FBXO17: variants seen among roughly 807,000 people sequenced by gnomAD.
The protein encoded by FBXO17 is F-box protein 17, also known as F-box only protein 17.
In FBXO17, 43 loss-of-function variants were observed where a neutral mutation model predicts 34.1. That is an observed-to-expected ratio of 1.26 (90% CI 0.99 to 1.62). FBXO17 has a LOEUF of 1.62. FBXO17 is among the 40% of genes most tolerant of loss of function. FBXO17 has a pLI of 0.00. For synonymous variants in FBXO17, 169 were observed against 166.0 expected (o/e 1.02, Z -0.14); for missense variants, 424 against 386.7 (o/e 1.10, Z -0.81).
chr19:38,964,368 C>T (rs1017475843), intron 1 of FBXO17, among the ~76,000 whole-genome samples: 2 of 151,628 alleles, frequency 1.3e-5, no homozygotes, highest in Non-Finnish European at 2.9e-5. Flanking sequence ...CGGAGTCTCA[C>T]CCTGTCACCC....
At chr19:38,952,510 C>A in intron 1 of FBXO17, 1 of 533,474 alleles carries the variant, frequency 1.9e-6, no homozygotes, top group South Asian at 1.4e-5. Context: ...CTCCTGGGAG[C>A]TACTTCCTGA....
chr19:38,943,421 G>A (rs1390391395), intron 5 of FBXO17, among the ~76,000 whole-genome samples: 4 of 149,810 alleles, frequency 2.7e-5, no homozygotes, highest in Admixed American at 6.7e-5. Context: ...TTACAGGCGC[G>A]CACCACCATG....
chr19:38,949,354 C>G (rs772715742), intron 2 of FBXO17, among the ~76,000 whole-genome samples: 1 of 152,120 alleles, frequency 6.6e-6, no homozygotes, highest in Non-Finnish European at 1.5e-5. Flanking sequence ...CCCCCTCGGG[C>G]CTCCCAAAGT....
At chr19:38,953,697 G>C (rs1478530724) in intron 1 of FBXO17, among the ~76,000 whole-genome samples, 1 of 151,942 alleles carries the variant, frequency 6.6e-6, no homozygotes, top group Non-Finnish European at 1.5e-5. Context: ...AAAGAGAGAG[G>C]GTTTGTTTTG....
At chr19:38,966,288 A>G (rs1393757583) in intron 1 of FBXO17, among the ~76,000 whole-genome samples, 2 of 55,408 alleles carry the variant, frequency 3.6e-5, no homozygotes, top group Non-Finnish European at 6.9e-5. Context: ...CTTAAATTAA[A>G]AATTTTGTGT....
chr19:38,953,639 C>G (rs758376516), intron 1 of FBXO17, among the ~76,000 whole-genome samples: 1 of 151,990 alleles, frequency 6.6e-6, no homozygotes, highest in Admixed American at 6.6e-5. Flanking sequence ...CCAGCCTGGG[C>G]GGCAAAGTGA....
intron 1 of FBXO17, among the ~76,000 whole-genome samples, chr19:38,974,866 G>A (rs1052474572): frequency 8.5e-5 from 13 of 152,150 alleles, no homozygotes; most frequent in African/African-American, 2.9e-4. Flanking sequence ...TGTTTTCCAT[G>A]CAAAGCTCTG....
Position 38,952,497 on chromosome 19 carries a change from G to A in FBXO17, c.-17-2161C>T, listed in dbSNP as rs1045391299. ...GGGCCTTCCAAGTGGGGAGGTCTCC[G>A]TGCTCCTGGGAGCTACTTCCTGACC... On this transcript the variant is annotated intron_variant, in intron 1 of 5. Coordinates refer to ENST00000292852, the MANE Select transcript of FBXO17 (RefSeq NM_024907.7). 27 of 531,652 alleles carry A rather than the reference G, an allele frequency of 5.1e-5. 1 individual carries two copies. Among genetic ancestry groups the A allele is most frequent in the Admixed American group, 2.9e-4 (15 of 51,298 alleles). The allele number at this position is 531,652 out of a possible 1,614,324, so 32.9% of individuals were successfully genotyped here. A position where few individuals can be genotyped will look rare whatever the true frequency, so the allele number is the denominator to read the frequency against.
At chr19:38,951,646 GCTTT>G (rs1195518454) in intron 1 of FBXO17, among the ~76,000 whole-genome samples, 1 of 148,282 alleles carries the variant, frequency 6.7e-6, no homozygotes, top group Non-Finnish European at 1.5e-5. Context: ...CTTGAGTTTG[GCTTT>G]CTATTTTTTT....
chr19:38,971,634 A>G (rs1975392286), intron 1 of FBXO17, among the ~76,000 whole-genome samples: 1 of 152,026 alleles, frequency 6.6e-6, no homozygotes, highest in South Asian at 2.1e-4. Context: ...ACAAAATTTA[A>G]CAATTAGCCA....
intron 3 of FBXO17, 26 bp downstream of exon 3, chr19:38,948,520 TGGGGCCTTTGCCCCAGGGATC>T (rs1260938785): frequency 2.0e-6 from 3 of 1,504,872 alleles, no homozygotes; most frequent in Non-Finnish European, 2.7e-6. Context: ...TCCCTTTCTT[TGGGGCCTTTGCCCCAGGGATC>T]GGGGCCTCTC....
chr19:38,953,816 G>A (rs867810996), intron 1 of FBXO17, among the ~76,000 whole-genome samples: 5 of 152,130 alleles, frequency 3.3e-5, no homozygotes, highest in Non-Finnish European at 7.3e-5. Context: ...GGAAGTGGGC[G>A]GGAAGGTGGG....
At chr19:38,948,395 C>G (rs12460412) in intron 3 of FBXO17, among the ~76,000 whole-genome samples, 172 bp downstream of exon 3, 45,150 of 152,062 alleles carry the variant, frequency 0.3, 7,070 homozygotes, top group Admixed American at 0.43. Flanking sequence ...GTATCCCTGG[C>G]ATATGAAACA....
chr19:38,946,763 A>C, intron 3 of FBXO17, 196 bp from the exon 4 acceptor site: 1 of 748,092 alleles, frequency 1.3e-6, no homozygotes, highest in Non-Finnish European at 2.1e-6. Context: ...GCCATTCTCC[A>C]CCCTGCTGCG....
chr19:38,962,874 C>T (rs1386339162), intron 1 of FBXO17, among the ~76,000 whole-genome samples: 2 of 151,904 alleles, frequency 1.3e-5, no homozygotes, highest in Admixed American at 6.6e-5. Flanking sequence ...CACGCCACCA[C>T]GCCCAGCTAC....
chr19:38,962,655 T>C (rs1335372243), intron 1 of FBXO17, among the ~76,000 whole-genome samples: 31 of 152,164 alleles, frequency 2.0e-4, no homozygotes, highest in Admixed American at 1.9e-3. Flanking sequence ...TCTCGGGCTA[T>C]CTTAGACTTA....
At chr19:38,947,089 C>A (rs937541314) in intron 3 of FBXO17, 1 of 157,072 alleles carries the variant, frequency 6.4e-6, no homozygotes, top group Non-Finnish European at 1.4e-5. Flanking sequence ...GCACTCTCTC[C>A]TCATTTTCCA....
chr19:38,948,583 A>G lies in FBXO17; in HGVS notation c.445T>C (p.Phe149Leu). Residue 149 changes from phenylalanine (F) to leucine (L), a missense_variant, in exon 3 of 6, where the codon TTC becomes CTC. By Grantham distance (22) the Phe-to-Leu change is conservative. Transcript: ENST00000292852. ...GCCACTCACTCGAAAGAGGTCACGA[A>G]GCAGGTCTGCGAAGGAGCCCCAGGC... ...PVPGAPSQTC[F>L]VTSFEWCSKR... The G allele has an allele frequency of 1.9e-6, 3 of 1,614,052 alleles. No homozygotes were observed. The highest frequency in any genetic ancestry group is 2.5e-6 in the Non-Finnish European group (3 of 1,179,934).
At chr19:38,958,064 C>T (rs1432197072) in intron 1 of FBXO17, among the ~76,000 whole-genome samples, 1 of 149,030 alleles carries the variant, frequency 6.7e-6, no homozygotes, top group Non-Finnish European at 1.5e-5. Flanking sequence ...CGTGAAGGGG[C>T]CACTGTATTC....
Sources: gnomAD v4.1 joint callset for allele counts (sites outside exome capture counted in the v4.1 genomes callset) on GRCh38, gnomAD v4.1.1 for gene constraint, MANE v1.5 for transcripts, NCBI Gene and HGNC (gene_info 2026-07-23, HGNC 2026-07-21) for gene names.